Variants in PPHLN1 observed in about 807,000 individuals in gnomAD.
The protein encoded by PPHLN1 is periphilin-1.
PPHLN1 carries 29 observed loss-of-function variants against 51.3 expected under a neutral mutation model. The ratio of observed to expected loss-of-function variants is 0.57; its 90% CI spans 0.42 to 0.77. The LOEUF (loss-of-function observed/expected upper bound fraction) is 0.77, where lower values mean the gene tolerates loss of function less well. PPHLN1 is among the 30% of genes least tolerant of loss of function. PPHLN1 has a pLI of 0.00. For missense variants in PPHLN1, 436 were observed against 438.4 expected (o/e 0.99, Z 0.05); for synonymous variants, 147 against 147.8 (o/e 0.99, Z 0.04).
chr12:42,378,829 G>T (rs2076526020), intron 5 of PPHLN1, among the ~76,000 whole-genome samples: 1 of 151,928 alleles, frequency 6.6e-6, no homozygotes, highest in Non-Finnish European at 1.5e-5. Context: ...CATCCAACTT[G>T]TTTTCATCCT....
downstream of PPHLN1, chr12:42,442,730 A>C (rs2083064945): frequency 6.2e-7 from 1 of 1,613,618 alleles, no homozygotes; most frequent in East Asian, 2.2e-5. Flanking sequence ...AGGCGAAGAG[A>C]CTGCGCAGTC....
chr12:42,430,103 TAG>T (rs1448172472), intron 9 of PPHLN1, among the ~76,000 whole-genome samples: 1 of 152,156 alleles, frequency 6.6e-6, no homozygotes, highest in African/African-American at 2.4e-5. Flanking sequence ...ACCATGTGTT[TAG>T]AGAGTTGGAA....
intron 5 of PPHLN1, among the ~76,000 whole-genome samples, chr12:42,382,368 G>T (rs184870985): frequency 6.6e-6 from 1 of 152,098 alleles, no homozygotes; most frequent in Admixed American, 6.5e-5. Flanking sequence ...CAGGGATTTT[G>T]ATTTCTGTAC....
intron 5 of PPHLN1, among the ~76,000 whole-genome samples, chr12:42,378,117 TTTCTTTCTTTC>T (rs2076449500): frequency 6.8e-6 from 1 of 147,282 alleles, no homozygotes; most frequent in Non-Finnish European, 1.5e-5. Context: ...TCTTTCTTTC[TTTCTTTCTTTC>T]TTTCTTTCTT....
At chr12:42,364,372 G>GTAA (rs1565834182) in intron 4 of PPHLN1, among the ~76,000 whole-genome samples, 1 of 152,100 alleles carries the variant, frequency 6.6e-6, no homozygotes, top group African/African-American at 2.4e-5. Flanking sequence ...GCTCACACCT[G>GTAA]TAATCCCAGT....
chr12:42,440,807 G>A (rs2082876025), intron 9 of PPHLN1, among the ~76,000 whole-genome samples: 1 of 152,240 alleles, frequency 6.6e-6, no homozygotes, highest in Admixed American at 6.5e-5. Flanking sequence ...TGGAACTCCT[G>A]ACCTCAGGTG....
chr12:42,412,967 T>A (rs568714839), intron 9 of PPHLN1, among the ~76,000 whole-genome samples: 2 of 152,188 alleles, frequency 1.3e-5, no homozygotes, highest in Non-Finnish European at 1.5e-5. Flanking sequence ...TTTGAGGAGA[T>A]GATTATTATT....
chr12:42,384,857 C>T, intron 5 of PPHLN1, 83 bp from the exon 6 acceptor site: 1 of 1,339,832 alleles, frequency 7.5e-7, no homozygotes, highest in Non-Finnish European at 1.1e-6. Context: ...CTGTTCTCAT[C>T]ACTCCTACTT....
At chr12:42,371,099 G>T (rs146134289) in intron 4 of PPHLN1, among the ~76,000 whole-genome samples, 1 of 143,644 alleles carries the variant, frequency 7.0e-6, no homozygotes, top group Admixed American at 7.1e-5. Flanking sequence ...GAGCCACCTC[G>T]CCCAGCCTGG....
downstream of PPHLN1, chr12:42,447,520 G>C (rs1184916327): frequency 1.3e-5 from 2 of 152,232 alleles, no homozygotes; most frequent in African/African-American, 4.8e-5. Flanking sequence ...GGGCAATTAA[G>C]ATGAATTCCA....
At chr12:42,398,758 C>A in intron 8 of PPHLN1, 96 bp from the exon 9 acceptor site, 2 of 1,050,332 alleles carry the variant, frequency 1.9e-6, no homozygotes, top group Non-Finnish European at 2.7e-6. Flanking sequence ...AAATCTAGCA[C>A]TTAATATAAT....
intron 9 of PPHLN1, chr12:42,431,948 G>T: frequency 6.7e-7 from 1 of 1,500,128 alleles, no homozygotes; most frequent in Non-Finnish European, 9.3e-7. Flanking sequence ...TTAGTACTGT[G>T]ATGAGATTTG....
intron 5 of PPHLN1, among the ~76,000 whole-genome samples, chr12:42,375,553 G>A (rs546823714): frequency 5.4e-4 from 82 of 151,968 alleles, no homozygotes; most frequent in Non-Finnish European, 8.8e-4. Context: ...CTCGTGATCC[G>A]CCCACCTCTG....
rs199747722 is a variant in PPHLN1 at position 42,374,815 on chromosome 12, G to A, written c.300-48G>A. 2,026 of 1,430,546 alleles carry A rather than the reference G, an allele frequency of 1.4e-3. 5 individuals carry two copies. Among genetic ancestry groups the A allele is most frequent in the Non-Finnish European group, 1.6e-3 (1,678 of 1,043,618 alleles). 88.6% of individuals were successfully genotyped at this position (1,430,546 alleles called of 1,614,324 possible). On this transcript the variant is annotated intron_variant, in intron 4 of 9. Transcript: ENST00000358314. ...GCTTTTGCCATTGTGCTTGTATATAGAGGATAGAGTATAATTAACTTATTT... is the reference window on the plus strand; with the variant it reads ...GCTTTTGCCATTGTGCTTGTATATAAAGGATAGAGTATAATTAACTTATTT...
chr12:42,344,708 A>ATTTTT (rs35335129), intron 2 of PPHLN1, among the ~76,000 whole-genome samples: 2,001 of 134,024 alleles, frequency 0.015, 46 homozygotes, highest in African/African-American at 0.033. Flanking sequence ...AACAGTGTGG[A>ATTTTT]TTTTTTTTTT....
rs1243913506 is a variant in PPHLN1, at chr12:42,384,987, C to T, written c.559C>T (p.Pro187Ser). 7 of 1,609,506 alleles carry T rather than the reference C, an allele frequency of 4.3e-6. No individual in the cohort carries two copies. Among genetic ancestry groups the T allele is most frequent in the Non-Finnish European group, 6.0e-6 (7 of 1,175,910 alleles). ...CTACAAACGGCAGAATGAAGGAAAT[C>T]CTGAAAGAGGTGAGTTTTGAGCTAG... is the stretch of plus-strand genomic sequence containing the variant. ...ASYKRQNEGN[P>S]ERDKERPVQS... The change falls in exon 6 of 10, where the codon CCT becomes TCT. Residue 187 changes from proline to serine, a missense_variant. By Grantham distance (74) the Pro-to-Ser change is moderately conservative. Coordinates refer to ENST00000358314, the MANE Select transcript of PPHLN1 (RefSeq NM_201439.2).
chr12:42,392,835 G>A (rs771031683), intron 7 of PPHLN1, among the ~76,000 whole-genome samples: 1 of 151,368 alleles, frequency 6.6e-6, no homozygotes, highest in Non-Finnish European at 1.5e-5. Flanking sequence ...AAGCATTATT[G>A]TGGATACTTC....
At chr12:42,405,448 A>G (rs1194259477) in intron 9 of PPHLN1, among the ~76,000 whole-genome samples, 2 of 152,332 alleles carry the variant, frequency 1.3e-5, no homozygotes, top group South Asian at 4.1e-4. Flanking sequence ...AGAAAATCTC[A>G]TGTTTTACTT....
chr12:42,390,043 T>C (rs1031587863), intron 7 of PPHLN1, among the ~76,000 whole-genome samples: 2 of 152,244 alleles, frequency 1.3e-5, no homozygotes, highest in African/African-American at 4.8e-5. Context: ...ACAGATATCA[T>C]ACCCTTTCTC....
Sources: gnomAD v4.1 joint callset for allele counts (sites outside exome capture counted in the v4.1 genomes callset) on GRCh38, gnomAD v4.1.1 for gene constraint, MANE v1.5 for transcripts, NCBI Gene and HGNC (gene_info 2026-07-23, HGNC 2026-07-21) for gene names.